Variants in CFAP221 observed in about 807,000 individuals in gnomAD.
The protein encoded by CFAP221 is cilia- and flagella-associated protein 221.
In CFAP221, 97 loss-of-function variants were observed where a neutral mutation model predicts 113.1. The ratio of observed to expected loss-of-function variants is 0.86; its 90% CI spans 0.73 to 1.02. The LOEUF is 1.02. Ranked by LOEUF, CFAP221 falls within the 50% of genes least tolerant of loss-of-function variation. The probability of loss-of-function intolerance (pLI) is 0.00; values close to 1 mark genes in which losing one functional copy is unlikely to be tolerated. For synonymous variants in CFAP221, 331 were observed against 354.4 expected (o/e 0.93, Z 0.74); for missense variants, 1,025 against 1,013.4 (o/e 1.01, Z -0.16).
chr2:119,546,877 G>A (rs1680088753), intron 2 of CFAP221, among the ~76,000 whole-genome samples: 1 of 152,148 alleles, frequency 6.6e-6, no homozygotes, highest in South Asian at 2.1e-4. Flanking sequence ...TTATGGAAAA[G>A]GATAATCATT....
At chr2:119,578,470 C>T (rs578219593) in intron 6 of CFAP221, among the ~76,000 whole-genome samples, 15 of 152,326 alleles carry the variant, frequency 9.8e-5, no homozygotes, top group Admixed American at 9.1e-4. Flanking sequence ...ATGAATGATT[C>T]TCATATCAAT....
chr2:119,576,790 C>T (rs1682478595), intron 6 of CFAP221, among the ~76,000 whole-genome samples: 1 of 152,198 alleles, frequency 6.6e-6, no homozygotes, highest in Non-Finnish European at 1.5e-5. Context: ...ACCTATTTTA[C>T]CCTCAGCTCT....
At chr2:119,639,189 TC>T (rs930827199) in intron 20 of CFAP221, among the ~76,000 whole-genome samples, 5 of 152,078 alleles carry the variant, frequency 3.3e-5, no homozygotes, top group Admixed American at 6.5e-5. Flanking sequence ...AGAGAAATCT[TC>T]CTTATGCACG....
intron 6 of CFAP221, among the ~76,000 whole-genome samples, chr2:119,568,282 A>C (rs1681788711): frequency 6.6e-6 from 1 of 152,180 alleles, no homozygotes; most frequent in Admixed American, 6.5e-5. Context: ...TAAAAGTTTT[A>C]ATTTTACCTT....
chr2:119,635,180 A>G (rs1482435923), intron 19 of CFAP221, among the ~76,000 whole-genome samples: 3 of 152,210 alleles, frequency 2.0e-5, no homozygotes, highest in African/African-American at 7.2e-5. Context: ...CTGTTAGAAC[A>G]CCTACAATTT....
chr2:119,637,481 C>G (rs377394830), intron 19 of CFAP221, among the ~76,000 whole-genome samples: 1 of 152,112 alleles, frequency 6.6e-6, no homozygotes, highest in African/African-American at 2.4e-5. Flanking sequence ...GCGTTTTTAA[C>G]TTGTTTTTAA....
At chr2:119,587,073 A>G in intron 6 of CFAP221, 46 bp from the exon 7 acceptor site, 2 of 1,376,472 alleles carry the variant, frequency 1.5e-6, no homozygotes, top group Non-Finnish European at 1.9e-6. Context: ...AGAACCAGTT[A>G]TAAAGAAAAA....
intron 23 of CFAP221, among the ~76,000 whole-genome samples, 175 bp downstream of exon 23, chr2:119,652,244 C>A (rs1268182523): frequency 6.6e-6 from 1 of 152,196 alleles, no homozygotes; most frequent in African/African-American, 2.4e-5. Flanking sequence ...ATTACACTCC[C>A]TGAAATCTTG....
chr2:119,560,027 G>T lies in CFAP221; in HGVS notation c.426+1G>T, dbSNP rs976293098. 1 of 1,417,646 alleles carries T rather than the reference G, an allele frequency of 7.1e-7. No individual in the cohort carries two copies. The highest frequency in any genetic ancestry group is 9.5e-7 in the Non-Finnish European group (1 of 1,053,848). 87.8% of individuals were successfully genotyped at this position (1,417,646 alleles called of 1,614,324 possible). On this transcript the variant is annotated splice_donor_variant, in intron 5 of 23. Coordinates refer to ENST00000413369, the MANE Select transcript of CFAP221 (RefSeq NM_001271049.2). LOFTEE classifies it high-confidence loss of function. The stretch of plus-strand genomic sequence containing the variant: ...TGACTGCATCCGTGTTCACTGTAAG[G>T]TAGGTCTCTTAAAATTGCTTTTTTT...
At chr2:119,566,272 C>T (rs1236513114) in intron 6 of CFAP221, among the ~76,000 whole-genome samples, 1 of 152,182 alleles carries the variant, frequency 6.6e-6, no homozygotes, top group African/African-American at 2.4e-5. Flanking sequence ...GCAATCAACT[C>T]TACTAAAAGT....
downstream of CFAP221, among the ~76,000 whole-genome samples, chr2:119,659,452 G>A (rs1225946595): frequency 6.8e-5 from 2 of 29,202 alleles, no homozygotes; most frequent in African/African-American, 1.5e-4. Flanking sequence ...AGGGTACGTG[G>A]AACATTACGA....
At chr2:119,638,886 C>T (rs1323208043) in intron 20 of CFAP221, among the ~76,000 whole-genome samples, 1 of 152,068 alleles carries the variant, frequency 6.6e-6, no homozygotes, top group African/African-American at 2.4e-5. Context: ...GAGGATTATC[C>T]TCAGGCCCTT....
chr2:119,616,269 A>G (rs148543946), intron 14 of CFAP221, among the ~76,000 whole-genome samples: 13 of 152,192 alleles, frequency 8.5e-5, no homozygotes, highest in African/African-American at 2.9e-4. Flanking sequence ...ATATTTTAGC[A>G]TGTATCAATA....
chr2:119,619,296 C>T (rs1301449566), intron 14 of CFAP221, among the ~76,000 whole-genome samples: 1 of 152,226 alleles, frequency 6.6e-6, no homozygotes. Context: ...GACTGGGAGA[C>T]ACCTCCCAGC....
At chr2:119,659,155 A>G (rs1688540010), downstream of CFAP221, among the ~76,000 whole-genome samples, 1 of 152,086 alleles carries the variant, frequency 6.6e-6, no homozygotes, top group African/African-American at 2.4e-5. Context: ...GTATTACCTT[A>G]TGTGTTGCTT....
intron 1 of CFAP221, among the ~76,000 whole-genome samples, chr2:119,544,859 G>C (rs1011578041): frequency 6.6e-6 from 1 of 152,216 alleles, no homozygotes; most frequent in Non-Finnish European, 1.5e-5. Flanking sequence ...GCGAGCCGGC[G>C]TGTGGGCGGC....
chr2:119,632,588 T>C (rs1040893561), intron 19 of CFAP221, among the ~76,000 whole-genome samples: 2 of 151,988 alleles, frequency 1.3e-5, no homozygotes, highest in Non-Finnish European at 2.9e-5. Context: ...GGCAAGGATG[T>C]CTGCTCTCAC....
intron 21 of CFAP221, among the ~76,000 whole-genome samples, chr2:119,644,630 T>A (rs868617124): frequency 6.6e-6 from 1 of 152,126 alleles, no homozygotes; most frequent in African/African-American, 2.4e-5. Context: ...CAGGGTTTGC[T>A]TCTTGGCCTA....
Position 119,608,618 on chromosome 2 carries a change from T to C in CFAP221, c.1221+29T>C, listed in dbSNP as rs1320255518. On this transcript the variant is annotated intron_variant, in intron 12 of 23. Coordinates refer to ENST00000413369, the MANE Select transcript of CFAP221 (RefSeq NM_001271049.2). The stretch of plus-strand genomic sequence containing the variant: ...AGAGTTACTGCTAATTTGCTATCAT[T>C]TGTTTCGCTAGATGTTTTTAAATTC... The C allele has an allele frequency of 1.9e-6, 3 of 1,565,318 alleles. No homozygotes were observed. In the African/African-American group the frequency reaches 4.1e-5, roughly 21 times the overall value.
Sources: gnomAD v4.1 joint callset for allele counts (sites outside exome capture counted in the v4.1 genomes callset) on GRCh38, gnomAD v4.1.1 for gene constraint, MANE v1.5 for transcripts, NCBI Gene and HGNC (gene_info 2026-07-23, HGNC 2026-07-21) for gene names.